SNTG1: variants seen among roughly 807,000 people sequenced by gnomAD.
The protein encoded by SNTG1 is gamma-1-syntrophin.
SNTG1 carries 39 observed loss-of-function variants against 74.7 expected under a neutral mutation model. The ratio of observed to expected loss-of-function variants is 0.52; its 90% CI spans 0.40 to 0.68. SNTG1 has a LOEUF of 0.68. SNTG1 is among the 30% of genes least tolerant of loss of function. The probability of loss-of-function intolerance (pLI) is 0.00; values close to 1 mark genes in which losing one functional copy is unlikely to be tolerated. For missense variants in SNTG1, 685 were observed against 609.5 expected (o/e 1.12, Z -1.30); for synonymous variants, 254 against 217.1 (o/e 1.17, Z -1.49).
chr8:50,291,222 TAA>T (rs1491467927), intron 2 of SNTG1, among the ~76,000 whole-genome samples: 3 of 138,994 alleles, frequency 2.2e-5, no homozygotes, highest in Non-Finnish European at 3.1e-5. Context: ...TGTTTATATA[TAA>T]GAGAGAGAGA....
chr8:50,381,238 C>T (rs2092474012), intron 2 of SNTG1, among the ~76,000 whole-genome samples: 1 of 151,550 alleles, frequency 6.6e-6, no homozygotes, highest in South Asian at 2.1e-4. Context: ...CCTAGAAAAA[C>T]TTATGCTAGA....
intron 1 of SNTG1, among the ~76,000 whole-genome samples, chr8:50,167,834 A>G (rs1021672154): frequency 2.7e-5 from 4 of 150,920 alleles, no homozygotes; most frequent in African/African-American, 7.3e-5. Context: ...AAAAAGGTAA[A>G]GAAAAAAAGA....
At chr8:50,236,603 A>C (rs1275921639) in intron 2 of SNTG1, among the ~76,000 whole-genome samples, 1 of 151,986 alleles carries the variant, frequency 6.6e-6, no homozygotes, top group African/African-American at 2.4e-5. Context: ...GGCGCCCGCC[A>C]CTGCGCCCGG....
At chr8:50,256,199 T>C (rs201088547) in intron 2 of SNTG1, among the ~76,000 whole-genome samples, 1 of 151,286 alleles carries the variant, frequency 6.6e-6, no homozygotes, top group African/African-American at 2.4e-5. Context: ...ATTGTGAGTA[T>C]AAAAAAAACA....
intron 1 of SNTG1, among the ~76,000 whole-genome samples, chr8:50,069,865 T>C (rs1183942911): frequency 6.6e-6 from 1 of 151,970 alleles, no homozygotes; most frequent in African/African-American, 2.4e-5. Context: ...CAAGCTGCTC[T>C]CCTCCTGCAG....
At chr8:50,049,477 G>A (rs1819383674) in intron 1 of SNTG1, among the ~76,000 whole-genome samples, 3 of 152,116 alleles carry the variant, frequency 2.0e-5, no homozygotes, top group Admixed American at 2.0e-4. Context: ...CTTAAAAACA[G>A]ACGATCTTTA....
At chr8:50,469,301 C>CT (rs2093633056) in intron 8 of SNTG1, among the ~76,000 whole-genome samples, 1 of 150,970 alleles carries the variant, frequency 6.6e-6, no homozygotes, top group Non-Finnish European at 1.5e-5. Context: ...ACATGATTCA[C>CT]TTTTTTCTCC....
chr8:50,483,143 A>G (rs1332730169), intron 8 of SNTG1, among the ~76,000 whole-genome samples: 1 of 152,330 alleles, frequency 6.6e-6, no homozygotes, highest in Non-Finnish European at 1.5e-5. Context: ...ACTTCCAACT[A>G]TGTATTAAAT....
At chr8:50,330,430 G>A (rs780614575) in intron 2 of SNTG1, among the ~76,000 whole-genome samples, 5 of 152,018 alleles carry the variant, frequency 3.3e-5, no homozygotes, top group South Asian at 2.1e-4. Flanking sequence ...ATCATCATCC[G>A]CATTTTGGTC....
intron 3 of SNTG1, among the ~76,000 whole-genome samples, chr8:50,397,983 A>G (rs1189951376): frequency 6.6e-6 from 1 of 152,240 alleles, no homozygotes; most frequent in Non-Finnish European, 1.5e-5. Context: ...AATGAAATAT[A>G]TGACCACATT....
chr8:50,498,576 G>T (rs962796603), intron 8 of SNTG1, among the ~76,000 whole-genome samples: 6 of 151,958 alleles, frequency 3.9e-5, no homozygotes, highest in African/African-American at 4.8e-5. Context: ...GCATAGAAAA[G>T]AATGGTTCAA....
At chr8:50,757,562 T>C (rs1216985489) in intron 18 of SNTG1, among the ~76,000 whole-genome samples, 1 of 151,900 alleles carries the variant, frequency 6.6e-6, no homozygotes, top group Non-Finnish European at 1.5e-5. Context: ...CATATATGCC[T>C]TTAACATTGA....
chr8:50,056,597 G>T (rs1255547556), intron 1 of SNTG1, among the ~76,000 whole-genome samples: 1 of 152,120 alleles, frequency 6.6e-6, no homozygotes, highest in Non-Finnish European at 1.5e-5. Context: ...CACAAAGCAG[G>T]TTTCTTAATC....
intron 1 of SNTG1, among the ~76,000 whole-genome samples, chr8:49,947,038 G>T (rs142047939): frequency 6.6e-6 from 1 of 152,168 alleles, no homozygotes; most frequent in Non-Finnish European, 1.5e-5. Flanking sequence ...GGTGGCTCAT[G>T]CCTGTAATCC....
intron 10 of SNTG1, among the ~76,000 whole-genome samples, chr8:50,531,337 T>C (rs1414255122): frequency 6.6e-6 from 1 of 152,074 alleles, no homozygotes; most frequent in Admixed American, 6.6e-5. Context: ...ACTTTTTTTT[T>C]TTTTGCCAAA....
intron 8 of SNTG1, among the ~76,000 whole-genome samples, chr8:50,470,642 T>C (rs1043006091): frequency 1.3e-5 from 2 of 151,922 alleles, no homozygotes; most frequent in Non-Finnish European, 2.9e-5. Flanking sequence ...AGCTCTTAAA[T>C]GTGGTGCGTC....
chr8:50,658,210 A>G (rs1049214771), intron 14 of SNTG1, among the ~76,000 whole-genome samples: 1 of 152,090 alleles, frequency 6.6e-6, no homozygotes, highest in African/African-American at 2.4e-5. Flanking sequence ...TATTTAAAAA[A>G]TATAGCTGTG....
chr8:50,730,877 A>C (rs2131619920), intron 17 of SNTG1, among the ~76,000 whole-genome samples: 1 of 152,232 alleles, frequency 6.6e-6, no homozygotes, highest in South Asian at 2.1e-4. Flanking sequence ...AACGCTACTA[A>C]ACTAGTTTGA....
At chr8:50,184,394 G>A (rs1267747986) in intron 2 of SNTG1, among the ~76,000 whole-genome samples, 1 of 152,040 alleles carries the variant, frequency 6.6e-6, no homozygotes, top group Non-Finnish European at 1.5e-5. Context: ...TCCAACTCCT[G>A]ACCTCATGAT....
Sources: gnomAD v4.1 joint callset for allele counts (sites outside exome capture counted in the v4.1 genomes callset) on GRCh38, gnomAD v4.1.1 for gene constraint, MANE v1.5 for transcripts, NCBI Gene and HGNC (gene_info 2026-07-23, HGNC 2026-07-21) for gene names.